Variants in RBFOX1 observed in about 807,000 individuals in gnomAD.
RBFOX1 encodes the protein RNA binding protein fox-1 homolog 1.
A neutral mutation model predicts 57.7 loss-of-function variants in RBFOX1; 8 were observed. That is an observed-to-expected ratio of 0.14 (90% CI 0.08 to 0.25). RBFOX1 has a LOEUF of 0.25. Ranked by LOEUF, RBFOX1 falls within the 10% of genes least tolerant of loss-of-function variation. The probability of loss-of-function intolerance (pLI) is 1.00; values close to 1 mark genes in which losing one functional copy is unlikely to be tolerated. For missense variants in RBFOX1, 611 were observed against 548.5 expected (o/e 1.11, Z -1.14); for synonymous variants, 326 against 222.4 (o/e 1.47, Z -4.15).
intron 4 of RBFOX1, among the ~76,000 whole-genome samples, chr16:7,440,998 T>C (rs771133130): frequency 2.0e-5 from 3 of 152,046 alleles, no homozygotes; most frequent in Non-Finnish European, 4.4e-5. Flanking sequence ...GCTAGGATCA[T>C]GCCACTGTGC....
chr16:7,003,562 A>T (rs1487710521), intron 3 of RBFOX1, among the ~76,000 whole-genome samples: 1 of 152,176 alleles, frequency 6.6e-6, no homozygotes, highest in African/African-American at 2.4e-5. Context: ...AATAAAATAA[A>T]ACCAGAGGTT....
intron 4 of RBFOX1, among the ~76,000 whole-genome samples, chr16:7,442,644 A>C (rs2098777786): frequency 6.6e-6 from 1 of 152,228 alleles, no homozygotes; most frequent in African/African-American, 2.4e-5. Flanking sequence ...TAGGATTTGC[A>C]CTGGTTTTAT....
At chr16:5,309,412 A>G (rs978591768) in intron 1 of RBFOX1, among the ~76,000 whole-genome samples, 1 of 152,222 alleles carries the variant, frequency 6.6e-6, no homozygotes. Context: ...ATGCCACAGT[A>G]AGTAACACCA....
intron 1 of RBFOX1, among the ~76,000 whole-genome samples, chr16:5,311,295 C>G (rs1165599158): frequency 1.3e-5 from 2 of 152,004 alleles, no homozygotes; most frequent in East Asian, 1.9e-4. Flanking sequence ...TCTTTTTTCA[C>G]TCAGTGGTCA....
intron 4 of RBFOX1, among the ~76,000 whole-genome samples, chr16:7,337,371 T>C (rs1273630839): frequency 6.6e-6 from 1 of 152,118 alleles, no homozygotes; most frequent in African/African-American, 2.4e-5. Flanking sequence ...TGTGAAGCAT[T>C]AGTAGGCATT....
intron 13 of RBFOX1, among the ~76,000 whole-genome samples, chr16:7,665,843 G>A (rs746190493): frequency 6.6e-6 from 1 of 152,032 alleles, no homozygotes; most frequent in Non-Finnish European, 1.5e-5. Context: ...GATGAAATTG[G>A]TATCATGTAC....
intron 3 of RBFOX1, among the ~76,000 whole-genome samples, chr16:6,950,237 C>T (rs535896898): frequency 2.0e-5 from 3 of 151,508 alleles, no homozygotes; most frequent in South Asian, 4.2e-4. Flanking sequence ...GGATTACAGG[C>T]ATGAGCCACC....
chr16:6,804,944 G>C (rs114215943), intron 3 of RBFOX1, among the ~76,000 whole-genome samples: 1 of 152,138 alleles, frequency 6.6e-6, no homozygotes, highest in Non-Finnish European at 1.5e-5. Flanking sequence ...GCTGTTGGTC[G>C]GAGTGTAAAT....
intron 3 of RBFOX1, among the ~76,000 whole-genome samples, chr16:6,969,210 C>A (rs988236388): frequency 1.3e-5 from 2 of 152,108 alleles, no homozygotes. Context: ...CCCAGTCCTT[C>A]ACCTGTTATG....
intron 3 of RBFOX1, among the ~76,000 whole-genome samples, chr16:5,634,402 A>T (rs1304453460): frequency 3.3e-5 from 5 of 152,248 alleles, no homozygotes; most frequent in African/African-American, 1.2e-4. Flanking sequence ...AAATAGGGAC[A>T]ATTTAACTGT....
chr16:7,510,041 C>T, intron 4 of RBFOX1: 1 of 559,724 alleles, frequency 1.8e-6, no homozygotes, highest in Non-Finnish European at 2.3e-6. Flanking sequence ...GAGTAGGAGC[C>T]AGAGGAGGAG....
intron 3 of RBFOX1, among the ~76,000 whole-genome samples, chr16:6,732,509 C>G (rs76374269): frequency 0.017 from 2,544 of 152,246 alleles, 40 homozygotes; most frequent in Middle Eastern, 0.034. Context: ...GGCTTAGGAT[C>G]GTAATCTAGA....
chr16:7,415,339 A>T (rs2098468260), intron 4 of RBFOX1, among the ~76,000 whole-genome samples: 1 of 152,172 alleles, frequency 6.6e-6, no homozygotes, highest in South Asian at 2.1e-4. Context: ...GTGGAACCAG[A>T]TGGAGTTCTG....
chr16:6,670,329 C>G (rs1398927891), intron 3 of RBFOX1, among the ~76,000 whole-genome samples: 3 of 152,018 alleles, frequency 2.0e-5, no homozygotes, highest in Non-Finnish European at 2.9e-5. Flanking sequence ...CTTGGTCTCC[C>G]AAAATGCTGG....
intron 2 of RBFOX1, among the ~76,000 whole-genome samples, chr16:6,343,358 G>C (rs1276426316): frequency 6.6e-5 from 10 of 151,098 alleles, no homozygotes; most frequent in Non-Finnish European, 1.5e-4. Flanking sequence ...CTTTTGAATA[G>C]AGGGTCATTA....
At chr16:7,048,406 C>T (rs868594433) in intron 3 of RBFOX1, among the ~76,000 whole-genome samples, 2 of 151,958 alleles carry the variant, frequency 1.3e-5, no homozygotes, top group African/African-American at 2.4e-5. Context: ...ACTACAGTCG[C>T]GTGTCGCCAC....
At chr16:6,871,971 G>A (rs567406381) in intron 3 of RBFOX1, among the ~76,000 whole-genome samples, 18 of 141,132 alleles carry the variant, frequency 1.3e-4, no homozygotes, top group African/African-American at 4.2e-4. Flanking sequence ...GTTTCCCTCG[G>A]TAGAGTATGG....
At chr16:7,457,217 G>A (rs1298776047) in intron 4 of RBFOX1, among the ~76,000 whole-genome samples, 2 of 151,984 alleles carry the variant, frequency 1.3e-5, no homozygotes, top group South Asian at 2.1e-4. Context: ...CTCATACAGC[G>A]GGTCCATGAA....
intron 1 of RBFOX1, among the ~76,000 whole-genome samples, chr16:5,392,130 G>A (rs2066428349): frequency 6.6e-6 from 1 of 152,022 alleles, no homozygotes; most frequent in South Asian, 2.1e-4. Context: ...GGGACTCAGG[G>A]GGAAAGGATG....
Sources: gnomAD v4.1 joint callset for allele counts (sites outside exome capture counted in the v4.1 genomes callset) on GRCh38, gnomAD v4.1.1 for gene constraint, MANE v1.5 for transcripts, NCBI Gene and HGNC (gene_info 2026-07-23, HGNC 2026-07-21) for gene names.